HDHD5: variants seen among roughly 807,000 people sequenced by gnomAD.
HDHD5 encodes the protein haloacid dehalogenase-like hydrolase domain-containing 5.
In HDHD5, 34 loss-of-function variants were observed where a neutral mutation model predicts 35.5. That is an observed-to-expected ratio of 0.96 (90% CI 0.73 to 1.28). HDHD5 has a LOEUF of 1.28. Among genes scored for constraint, HDHD5 ranks in the 50% most tolerant of loss-of-function variants. The probability of loss-of-function intolerance (pLI) is 0.00; values close to 1 mark genes in which losing one functional copy is unlikely to be tolerated. For synonymous variants in HDHD5, 248 were observed against 240.6 expected (o/e 1.03, Z -0.29); for missense variants, 589 against 560.2 (o/e 1.05, Z -0.52).
chr22:17,138,775 G>C, intron 6 of HDHD5, 37 bp from the exon 7 acceptor site: 2 of 1,611,302 alleles, frequency 1.2e-6, no homozygotes, highest in Non-Finnish European at 1.7e-6. Context: ...CAGTCTTCCT[G>C]ATCTCCAGGC....
intron 6 of HDHD5, among the ~76,000 whole-genome samples, chr22:17,140,458 G>A (rs983461865): frequency 6.6e-6 from 1 of 152,088 alleles, no homozygotes; most frequent in East Asian, 1.9e-4. Flanking sequence ...GATGGAGCAC[G>A]CCTGTAATCC....
chr22:17,159,280 C>A (rs1172827177), upstream of HDHD5: 6 of 1,114,754 alleles, frequency 5.4e-6, no homozygotes, highest in Admixed American at 1.1e-4. Context: ...ACGTGCACGG[C>A]GTGCGGCCCC....
intron 1 of HDHD5, among the ~76,000 whole-genome samples, chr22:17,152,219 G>C (rs2061734430): frequency 1.3e-5 from 2 of 152,204 alleles, no homozygotes; most frequent in South Asian, 2.1e-4. Context: ...GGTATCATCA[G>C]ACCTGAACTA....
intron 1 of HDHD5, chr22:17,165,157 T>C: frequency 1.3e-6 from 1 of 755,174 alleles, no homozygotes; most frequent in South Asian, 1.4e-5. Context: ...GGGACTTCTG[T>C]TAATAATACT....
At chr22:17,164,582 C>G (rs1297744907) in intron 1 of HDHD5, among the ~76,000 whole-genome samples, 2 of 152,180 alleles carry the variant, frequency 1.3e-5, no homozygotes, top group African/African-American at 4.8e-5. Flanking sequence ...CAGGCTCCAG[C>G]CCTTATGTTC....
upstream of HDHD5, among the ~76,000 whole-genome samples, chr22:17,163,936 G>A (rs193203539): frequency 1.3e-5 from 2 of 152,290 alleles, no homozygotes; most frequent in Non-Finnish European, 2.9e-5. Context: ...TACATTAATA[G>A]GCAGGTGAGG....
rs1313657857 is a variant in HDHD5, at chr22:17,149,548, C to A, written c.324G>T (p.Gly108=). ...CCTCTGGCTGCCTTCTCACCTCGCACCCCAGCAGGGCTGACAGCTCCTGGG... is the reference window on the plus strand; with the variant it reads ...CCTCTGGCTGCCTTCTCACCTCGCAACCCAGCAGGGCTGACAGCTCCTGGG... ...SKAQELSALL[G]CEVDADQVIL... is the part of the protein sequence containing the mutation. The change falls in exon 2 of 8, where the codon GGG becomes GGT. Residue 108 remains glycine, a synonymous_variant. Coordinates refer to ENST00000336737, the MANE Select transcript of HDHD5 (RefSeq NM_033070.3). 6.8e-6 allele frequency: 11 copies of A among 1,611,828 alleles called. No individual in the cohort carries two copies. The highest frequency in any genetic ancestry group is 2.2e-5 in the East Asian group (1 of 44,886).
chr22:17,144,633 G>C lies in HDHD5; in HGVS notation c.537+391C>G, dbSNP rs549163616. On this transcript the variant is annotated intron_variant, in intron 4 of 7. Coordinates refer to ENST00000336737, the MANE Select transcript of HDHD5 (RefSeq NM_033070.3). ...TTCACCATGTTGGCCAGGCTGGTCT[G>C]GAACTCCTGACCTCAGGTGATCCAC... Among the ~76,000 whole-genome samples the C allele has an allele frequency of 2.8e-4, 43 of 151,876 alleles. 1 individual carries two copies. The highest frequency in any genetic ancestry group is 5.2e-4 in the Non-Finnish European group (35 of 67,900).
chr22:17,155,529 C>T (rs923734352), intron 1 of HDHD5, among the ~76,000 whole-genome samples: 1 of 151,920 alleles, frequency 6.6e-6, no homozygotes, highest in African/African-American at 2.4e-5. Flanking sequence ...ACAGGCATGA[C>T]CCACCGCGCC....
Position 17,148,544 on chromosome 22 carries a change from A to C in HDHD5, c.347T>G (p.Val116Gly), listed in dbSNP as rs763795438. 20 of 1,614,132 alleles carry C rather than the reference A, an allele frequency of 1.2e-5. No homozygotes were observed. Among genetic ancestry groups the C allele is most frequent in the Non-Finnish European group, 1.0e-5 (12 of 1,179,974 alleles). The change falls in exon 3 of 8, where the codon GTT (valine) becomes GGT (glycine). Residue 116 changes from valine to glycine, a missense_variant. Transcript: ENST00000336737. ...LLGCEVDADQ[V>G]ILSHSPMKLF... is the part of the protein sequence containing the mutation. The stretch of plus-strand genomic sequence containing the variant: ...CTTCATGGGGCTGTGAGAGAGGATA[A>C]CTTGGTCTGCATCCACCTGTAGGGA...
At chr22:17,150,274 T>A (rs1049013066) in intron 1 of HDHD5, among the ~76,000 whole-genome samples, 1 of 152,258 alleles carries the variant, frequency 6.6e-6, no homozygotes, top group Non-Finnish European at 1.5e-5. Context: ...ATAGTCTTTA[T>A]AACCATCTTT....
intron 1 of HDHD5, among the ~76,000 whole-genome samples, chr22:17,154,508 A>G (rs570017388): frequency 2.0e-5 from 3 of 152,172 alleles, no homozygotes; most frequent in Admixed American, 2.0e-4. Context: ...AACAAAAAAT[A>G]AATAAATAAA....
At chr22:17,151,819 A>G (rs1398947751) in intron 1 of HDHD5, among the ~76,000 whole-genome samples, 1 of 152,158 alleles carries the variant, frequency 6.6e-6, no homozygotes, top group Non-Finnish European at 1.5e-5. Context: ...AGCTAAGGTG[A>G]CAGAGCAAGC....
At chr22:17,141,689 G>T in intron 5 of HDHD5, 1 of 885,712 alleles carries the variant, frequency 1.1e-6, no homozygotes, top group Non-Finnish European at 1.4e-6. Flanking sequence ...GGACTCCACC[G>T]ATTCTCCTGT....
Position 17,148,457 on chromosome 22 carries a change from T to C in HDHD5, c.434A>G (p.Asn145Ser). 1 of 1,613,542 alleles carries C rather than the reference T, an allele frequency of 6.2e-7. No homozygotes were observed. Among genetic ancestry groups the C allele is most frequent in the Non-Finnish European group, 8.5e-7 (1 of 1,179,480 alleles). Residue 145 changes from asparagine to serine, a missense_variant, in exon 3 of 8, where the codon AAT becomes AGT. Asn to Ser is a conservative substitution (Grantham distance 46, BLOSUM62 1). Transcript: ENST00000336737. ...LVSGQGPVME[N>S]AQGLGFRNVV... ...AAGACCAAAAGGATACCCCTGGGCA[T>C]TTTCCATCACGGGCCCCTGTCCAGA... is the stretch of plus-strand genomic sequence containing the variant.
At position 17,149,761 on chromosome 22, in the gene HDHD5, G is replaced by C; in HGVS notation, c.127-16C>G. On this transcript the variant is annotated splice_polypyrimidine_tract_variant and intron_variant, in intron 1 of 7. Coordinates refer to ENST00000336737, the MANE Select transcript of HDHD5 (RefSeq NM_033070.3). ...TGGGTGGGCTCTGCAGAGATGGTAA[G>C]ATAATTACCAGTACGTGAGTAACAA... 6.2e-7 allele frequency: 1 copy of C among 1,605,600 alleles called. No individual in the cohort carries two copies. Among genetic ancestry groups the C allele is most frequent in the Non-Finnish European group, 8.5e-7 (1 of 1,172,612 alleles).
Position 17,138,275 on chromosome 22 carries a change from G to C in HDHD5, c.1018C>G (p.Leu340Val). 6 of 1,614,192 alleles carry C rather than the reference G, an allele frequency of 3.7e-6. No individual in the cohort carries two copies. Among genetic ancestry groups the C allele is most frequent in the Non-Finnish European group, 5.1e-6 (6 of 1,180,034 alleles). ...TGCTGCCGTGTGCCCCCGGCCCCTA[G>C]TTCTGGCGCCCCATCATGCGTTGCC... ...QKATHDGAPE[L>V]GAGGTRQQQP... is the part of the protein sequence containing the mutation. The change falls in exon 8 of 8, where the codon CTA becomes GTA. Residue 340 changes from leucine (L) to valine (V), a missense_variant. Physicochemically the swap from Leu to Val is conservative, Grantham distance 32. Transcript: ENST00000336737.
upstream of HDHD5, chr22:17,159,808 G>T: frequency 3.5e-6 from 1 of 281,810 alleles, no homozygotes; most frequent in South Asian, 2.8e-5. Context: ...CGCGCACTGC[G>T]GAGAGGTAGA....
chr22:17,163,138 G>A (rs1363368375), upstream of HDHD5, among the ~76,000 whole-genome samples: 3 of 152,180 alleles, frequency 2.0e-5, no homozygotes, highest in African/African-American at 7.2e-5. Context: ...CAAATGGACC[G>A]TGGATGTTAA....
Sources: allele counts gnomAD v4.1 joint callset (sites outside exome capture counted in the v4.1 genomes callset), GRCh38; gene constraint gnomAD v4.1.1; transcripts MANE v1.5; gene names NCBI Gene and HGNC (gene_info 2026-07-23, HGNC 2026-07-21).